Variants in TBCK observed in about 807,000 individuals in gnomAD.
The protein encoded by TBCK is TBC1 domain containing kinase.
In TBCK, 99 loss-of-function variants were observed where a neutral mutation model predicts 113.4. That is an observed-to-expected ratio of 0.87 (90% CI 0.74 to 1.03). The LOEUF (loss-of-function observed/expected upper bound fraction) is 1.03. TBCK is among the 50% of genes least tolerant of loss of function. The pLI, the probability that TBCK is intolerant of heterozygous loss-of-function variation, is 0.00. For missense variants in TBCK, 1,045 were observed against 1,061.3 expected, an observed-to-expected ratio of 0.98 and a Z score of 0.21; for synonymous variants, 369 against 370.8, an observed-to-expected ratio of 1.00 and a Z score of 0.05.
chr4:106,156,469 G>T (rs912952418), intron 23 of TBCK, among the ~76,000 whole-genome samples: 9 of 152,156 alleles, frequency 5.9e-5, no homozygotes, highest in Non-Finnish European at 1.2e-4. Context: ...CAGGGCAGAA[G>T]TTCCTCCAGG....
intron 25 of TBCK, among the ~76,000 whole-genome samples, chr4:106,051,301 C>T (rs911963496): frequency 2.6e-5 from 4 of 151,806 alleles, no homozygotes; most frequent in Non-Finnish European, 5.9e-5. Context: ...CATGGCAGGA[C>T]AATTAGGTTA....
chr4:106,262,167 C>T lies in TBCK; in HGVS notation c.312G>A (p.Leu104=), dbSNP rs1222388912. Residue 104 remains leucine, a synonymous_variant, in exon 4 of 26, where the codon TTG becomes TTA. Coordinates refer to ENST00000394708, the MANE Select transcript of TBCK (RefSeq NM_001163435.3). The part of the protein sequence containing the change: ...LCIAFEVLQG[L]QYMNKHGIVH... ...CTATACCATGTTTGTTCATATACTGCAAGCCCTGAAGAACCTCAAATGCTA... is the reference window on the plus strand; with the variant it reads ...CTATACCATGTTTGTTCATATACTGTAAGCCCTGAAGAACCTCAAATGCTA... 1.3e-6 allele frequency: 2 copies of T among 1,548,366 alleles called. No individual in the cohort carries two copies. Among genetic ancestry groups the T allele is most frequent in the African/African-American group, 1.4e-5 (1 of 72,876 alleles).
intron 23 of TBCK, among the ~76,000 whole-genome samples, chr4:106,124,915 T>C (rs983505852): frequency 6.6e-6 from 1 of 150,464 alleles, no homozygotes; most frequent in African/African-American, 2.5e-5. Context: ...GACGAGTTAG[T>C]GGGTGCAGCG....
At chr4:106,115,393 C>A (rs1271690669) in intron 24 of TBCK, among the ~76,000 whole-genome samples, 1 of 152,158 alleles carries the variant, frequency 6.6e-6, no homozygotes, top group Non-Finnish European at 1.5e-5. Flanking sequence ...GATACTCAAC[C>A]TGTATATGCC....
intron 20 of TBCK, among the ~76,000 whole-genome samples, chr4:106,209,333 C>G (rs1002730891): frequency 5.9e-5 from 9 of 152,238 alleles, no homozygotes; most frequent in Non-Finnish European, 1.2e-4. Context: ...TCAGATTTAA[C>G]AAGCATTAAC....
intron 3 of TBCK, among the ~76,000 whole-genome samples, chr4:106,273,648 G>C (rs1395699242): frequency 6.6e-6 from 1 of 152,194 alleles, no homozygotes; most frequent in African/African-American, 2.4e-5. Context: ...ACATAGACGA[G>C]AAGACACACA....
At chr4:106,217,737 G>A (rs1757137488) in intron 19 of TBCK, among the ~76,000 whole-genome samples, 1 of 150,864 alleles carries the variant, frequency 6.6e-6, no homozygotes, top group Non-Finnish European at 1.5e-5. Context: ...ACAAATGGAA[G>A]AGCATTCCAT....
chr4:106,255,383 T>C (rs960369841), intron 5 of TBCK, among the ~76,000 whole-genome samples: 2 of 152,188 alleles, frequency 1.3e-5, no homozygotes, highest in African/African-American at 4.8e-5. Flanking sequence ...GAGCCAGGCA[T>C]GGCGTGGCAA....
At chr4:106,124,072 A>G (rs1256851462) in intron 23 of TBCK, among the ~76,000 whole-genome samples, 2 of 150,048 alleles carry the variant, frequency 1.3e-5, no homozygotes, top group African/African-American at 2.4e-5. Flanking sequence ...GCAACCTACA[A>G]AATGGGAGAA....
chr4:106,069,009 A>G (rs1363843721), intron 25 of TBCK, among the ~76,000 whole-genome samples: 2 of 151,880 alleles, frequency 1.3e-5, no homozygotes, highest in African/African-American at 4.8e-5. Flanking sequence ...TTTTCTTGTA[A>G]ATTTGTTTAA....
intron 23 of TBCK, among the ~76,000 whole-genome samples, chr4:106,128,475 T>G (rs4516801): frequency 0.017 from 2,636 of 152,244 alleles, 35 homozygotes; most frequent in Middle Eastern, 0.099. Flanking sequence ...AGTTACAACA[T>G]ACACACAACA....
rs62318088 is a variant in TBCK, at chr4:106,275,502, A to G, written c.267-13290T>C. The stretch of plus-strand genomic sequence containing the variant: ...TTGTAAACATTTCTATTCAACAATG[A>G]TATGGTTGTTTATGTAGAAAATCCT... On this transcript the variant is annotated intron_variant, in intron 3 of 25. Coordinates refer to ENST00000394708, the MANE Select transcript of TBCK (RefSeq NM_001163435.3). Among the ~76,000 whole-genome samples, 23 of 152,234 alleles carry G rather than the reference A, an allele frequency of 1.5e-4. No individual in the cohort carries two copies. In the South Asian group the frequency reaches 1.9e-3, roughly 12 times the overall value.
At chr4:106,217,240 G>A (rs948730413) in intron 19 of TBCK, among the ~76,000 whole-genome samples, 2 of 152,114 alleles carry the variant, frequency 1.3e-5, no homozygotes, top group African/African-American at 4.8e-5. Flanking sequence ...AGCTATCTAT[G>A]AGAAACCCAC....
At chr4:106,100,649 C>T (rs942070243) in intron 24 of TBCK, among the ~76,000 whole-genome samples, 1 of 152,184 alleles carries the variant, frequency 6.6e-6, no homozygotes, top group African/African-American at 2.4e-5. Context: ...CCATCCTCTA[C>T]AATGCATTAA....
chr4:106,066,701 G>A (rs80005495), intron 25 of TBCK, among the ~76,000 whole-genome samples: 2,236 of 151,696 alleles, frequency 0.015, 36 homozygotes, highest in African/African-American at 0.041. Flanking sequence ...CCCCCAGCCC[G>A]TGGTACCACT....
intron 24 of TBCK, among the ~76,000 whole-genome samples, chr4:106,099,117 A>G (rs1287032342): frequency 1.3e-5 from 2 of 152,072 alleles, no homozygotes; most frequent in Non-Finnish European, 2.9e-5. Context: ...TACTTCAATC[A>G]AACAGAAAAA....
At chr4:106,083,617 G>C (rs1443755677) in intron 25 of TBCK, among the ~76,000 whole-genome samples, 3 of 152,202 alleles carry the variant, frequency 2.0e-5, no homozygotes, top group Non-Finnish European at 2.9e-5. Context: ...CCTGCTCCCT[G>C]TGCCACCCAA....
chr4:106,187,380 T>C (rs376503453), intron 22 of TBCK, among the ~76,000 whole-genome samples: 12 of 152,226 alleles, frequency 7.9e-5, no homozygotes, highest in African/African-American at 2.9e-4. Flanking sequence ...GCATGGAATG[T>C]TTTTCCATTT....
chr4:106,315,632 C>A (rs888391491), intron 1 of TBCK: 3 of 152,162 alleles, frequency 2.0e-5, no homozygotes, highest in African/African-American at 7.2e-5. Context: ...AATTCTGCCT[C>A]CAAGGTGAGT....
Sources: allele counts gnomAD v4.1 joint callset (sites outside exome capture counted in the v4.1 genomes callset), GRCh38; gene constraint gnomAD v4.1.1; transcripts MANE v1.5; gene names NCBI Gene and HGNC (gene_info 2026-07-23, HGNC 2026-07-21).